Variants in PRKAR1A observed in about 807,000 individuals in gnomAD.
PRKAR1A encodes the protein cAMP-dependent protein kinase type I-alpha regulatory subunit.
PRKAR1A carries 3 observed loss-of-function variants against 52.0 expected under a neutral mutation model. The observed-to-expected ratio is 0.06, with a 90% CI of 0.03 to 0.15. The LOEUF (loss-of-function observed/expected upper bound fraction) is 0.15, where lower values mean the gene tolerates loss of function less well. Ranked by LOEUF, PRKAR1A falls within the 10% of genes least tolerant of loss-of-function variation. The pLI is 1.00. For missense variants in PRKAR1A, 240 were observed against 477.4 expected, an observed-to-expected ratio of 0.50 and a Z score of 4.63; for synonymous variants, 188 against 168.4, an observed-to-expected ratio of 1.12 and a Z score of -0.90.
the PRKAR1A span, among the ~76,000 whole-genome samples, chr17:68,432,323 T>G: frequency 1.3e-5 from 2 of 152,218 alleles, no homozygotes; most frequent in Non-Finnish European, 2.9e-5. Context: ...TAATCACACA[T>G]GCCTTTAAAA....
chr17:68,548,161 A>C lies in PRKAR1A; in HGVS notation c.974-2923A>C, dbSNP rs564300418. Among the ~76,000 whole-genome samples, 3 of 152,306 alleles carry C rather than the reference A, an allele frequency of 2.0e-5. No homozygotes were observed. The East Asian group carries it at 5.8e-4, about 29-fold the overall frequency. On this transcript the variant is annotated intron_variant, in intron 11 of 11. Coordinates refer to the PRKAR1A transcript ENST00000585981. Reference sequence around the variant, plus strand: ...TGTAATCCTAGCACTTTGGAAGGCCAAGGTTGGCAATCACTTGAGGCCAGG... The same window carrying C: ...TGTAATCCTAGCACTTTGGAAGGCCCAGGTTGGCAATCACTTGAGGCCAGG...
the PRKAR1A span, among the ~76,000 whole-genome samples, chr17:68,475,231 A>T: frequency 1.6e-3 from 249 of 152,312 alleles, no homozygotes; most frequent in African/African-American, 5.7e-3. Context: ...CGAATATTAT[A>T]CTTGTTGTGG....
the PRKAR1A span, among the ~76,000 whole-genome samples, chr17:68,419,251 G>T: frequency 3.9e-5 from 6 of 152,194 alleles, no homozygotes; most frequent in Admixed American, 1.3e-4. Flanking sequence ...AAGGGCAGAG[G>T]TTAAAGATAC....
the PRKAR1A span, chr17:68,422,125 CA>C: frequency 3.1e-6 from 1 of 327,104 alleles, no homozygotes; most frequent in Non-Finnish European, 5.8e-6. Context: ...ACTGCTCAAT[CA>C]CTATTAAAAA....
In PRKAR1A at chr17:68,529,928, T is replaced by A. The variant is rs960367525; in HGVS notation, c.900T>A (p.Ala300=). The change falls in exon 10 of 11, where the codon GCT becomes GCA. Residue 300 remains alanine (A), a synonymous_variant. Transcript: ENST00000589228. ...DEFFIILEGS[A]AVLQRRSENE... ...TGGTGATTTTATTATAGGGGTCAGC[T>A]GCTGTGCTACAACGTCGGTCAGAAA... 32 of 1,614,014 alleles carry A rather than the reference T, an allele frequency of 2.0e-5. No homozygotes were observed. Among genetic ancestry groups the A allele is most frequent in the Non-Finnish European group, 2.7e-5 (32 of 1,179,970 alleles).
chr17:68,466,692 G>A, the PRKAR1A span, among the ~76,000 whole-genome samples: 4 of 151,950 alleles, frequency 2.6e-5, no homozygotes, highest in African/African-American at 9.7e-5. Context: ...GATTACAATC[G>A]TGAGTCACCG....
At chr17:68,497,351 G>C in the PRKAR1A span, among the ~76,000 whole-genome samples, 94,754 of 151,902 alleles carry the variant, frequency 0.62, 30,025 homozygotes, top group East Asian at 0.83. Context: ...CTATTTGACC[G>C]TTGACAGAAA....
At chr17:68,432,564 C>T in the PRKAR1A span, among the ~76,000 whole-genome samples, 11 of 152,142 alleles carry the variant, frequency 7.2e-5, no homozygotes, top group Non-Finnish European at 1.3e-4. Context: ...ATAAGGTGCC[C>T]GGCCTCTGTC....
intron 11 of PRKAR1A, among the ~76,000 whole-genome samples, chr17:68,539,074 A>G (rs1275323641): frequency 6.6e-6 from 1 of 152,238 alleles, no homozygotes; most frequent in Non-Finnish European, 1.5e-5. Context: ...TGTGTATATA[A>G]ACATAGAAAA....
At chr17:68,519,596 TAC>T (rs1395541866) in intron 2 of PRKAR1A, among the ~76,000 whole-genome samples, 6 of 152,184 alleles carry the variant, frequency 3.9e-5, no homozygotes, top group Admixed American at 3.9e-4. Flanking sequence ...AGTCTGAAAA[TAC>T]AGTCATATTC....
chr17:68,433,491 G>A, the PRKAR1A span: 5 of 1,614,080 alleles, frequency 3.1e-6, no homozygotes, highest in Non-Finnish European at 3.4e-6. Context: ...GTTCCAGCTT[G>A]AAGATGTGTA....
downstream of PRKAR1A, chr17:68,533,483 C>A: frequency 1.1e-6 from 1 of 943,934 alleles, no homozygotes; most frequent in African/African-American, 1.7e-5. Flanking sequence ...TAAACAGTGG[C>A]CCAAGTAGAC....
chr17:68,537,507 T>C (rs1489400736), downstream of PRKAR1A: 1 of 1,613,972 alleles, frequency 6.2e-7, no homozygotes, highest in Admixed American at 1.7e-5. This position sits in a 1 kb window ranked among gnomAD's most constrained non-coding sequence, Gnocchi z 4.2. Flanking sequence ...GGCCAGAGTC[T>C]GGGGCCAACT....
the PRKAR1A span, among the ~76,000 whole-genome samples, chr17:68,501,985 C>T: frequency 2.6e-5 from 4 of 152,200 alleles, no homozygotes; most frequent in Non-Finnish European, 5.9e-5. Context: ...TAGGTTCTCT[C>T]GCTCTTATTT....
the PRKAR1A span, among the ~76,000 whole-genome samples, chr17:68,453,537 G>C: frequency 2.7e-5 from 4 of 148,006 alleles, no homozygotes; most frequent in Non-Finnish European, 5.9e-5. Flanking sequence ...GGAGTGCAGT[G>C]GTGCCATCAC....
In PRKAR1A at chr17:68,515,701, T is replaced by G. The variant is rs2085411723; in HGVS notation, c.177+125T>G. 15 of 1,200,888 alleles carry G rather than the reference T, an allele frequency of 1.2e-5. 1 individual carries two copies. The South Asian group carries it at 2.1e-4, about 17-fold the overall frequency. The allele number at this position is 1,200,888 out of a possible 1,614,324, so 74.4% of individuals were successfully genotyped here. The stretch of plus-strand genomic sequence containing the variant: ...TGACTAAATAAAAAGTCTAAAACAA[T>G]TTCAAATAAGAAATACAGTTAAGGC... On this transcript the variant is annotated intron_variant, in intron 2 of 10. Coordinates refer to ENST00000589228, the MANE Select transcript of PRKAR1A (RefSeq NM_002734.5).
chr17:68,546,030 A>G (rs531083499), intron 11 of PRKAR1A, among the ~76,000 whole-genome samples: 8 of 151,870 alleles, frequency 5.3e-5, no homozygotes, highest in Admixed American at 3.3e-4. Context: ...TTAGCCAGGC[A>G]TGGTGGCGCA....
chr17:68,529,512 G>A (rs1361429236), intron 9 of PRKAR1A, among the ~76,000 whole-genome samples: 2 of 152,184 alleles, frequency 1.3e-5, no homozygotes, highest in Non-Finnish European at 2.9e-5. Context: ...GACTGTAAAG[G>A]GCCAGGTGGT....
At chr17:68,488,734 C>CAAA in the PRKAR1A span, among the ~76,000 whole-genome samples, 31 of 42,778 alleles carry the variant, frequency 7.2e-4, no homozygotes, top group Middle Eastern at 0.017. Flanking sequence ...CATCTCAAAA[C>CAAA]AAAAAAAAAA....
Sources: allele counts gnomAD v4.1 joint callset (sites outside exome capture counted in the v4.1 genomes callset), GRCh38; gene constraint gnomAD v4.1.1; non-coding constraint Gnocchi (gnomAD v3.1); transcripts MANE v1.5; gene names NCBI Gene and HGNC (gene_info 2026-07-23, HGNC 2026-07-21).